The following PTPRN2 variants were observed in gnomAD, a reference collection of about 807,000 sequenced individuals.
PTPRN2 encodes the protein protein tyrosine phosphatase receptor type N2, also known as receptor-type tyrosine-protein phosphatase N2.
In PTPRN2, 74 loss-of-function variants were observed where a neutral mutation model predicts 118.8. The ratio of observed to expected loss-of-function variants is 0.62; its 90% confidence interval spans 0.52 to 0.76. The LOEUF is 0.76. Among genes scored for constraint, PTPRN2 ranks in the 30% least tolerant of loss-of-function variants. The pLI is 0.00. For missense variants in PTPRN2, 1,481 were observed against 1,394.4 expected (o/e 1.06, Z -0.99); for synonymous variants, 641 against 608.0 (o/e 1.05, Z -0.80).
intron 2 of PTPRN2, among the ~76,000 whole-genome samples, chr7:158,325,558 G>A (rs996522436): frequency 5.9e-5 from 9 of 152,218 alleles, no homozygotes; most frequent in Non-Finnish European, 8.8e-5. Flanking sequence ...TGGTATGCAC[G>A]TGAAAACTGA....
At chr7:157,851,030 C>T (rs910214532) in intron 12 of PTPRN2, among the ~76,000 whole-genome samples, 19 of 152,190 alleles carry the variant, frequency 1.2e-4, no homozygotes, top group East Asian at 1.9e-4. Context: ...CAAAAGGCGG[C>T]GAGGGAGGTA....
intron 11 of PTPRN2, among the ~76,000 whole-genome samples, chr7:157,902,717 CGAGA>C (rs1160011367): frequency 6.6e-6 from 1 of 152,170 alleles, no homozygotes; most frequent in African/African-American, 2.4e-5. Flanking sequence ...GATGCCGATG[CGAGA>C]GTGAGGCTGA....
intron 12 of PTPRN2, among the ~76,000 whole-genome samples, chr7:157,720,364 A>G (rs576216077): frequency 6.6e-6 from 1 of 151,616 alleles, no homozygotes; most frequent in Non-Finnish European, 1.5e-5. Context: ...GGGCCCTCAG[A>G]CCCCCAAACC....
At chr7:158,133,255 G>A (rs151212443) in intron 9 of PTPRN2, among the ~76,000 whole-genome samples, 6,224 of 152,260 alleles carry the variant, frequency 0.041, 172 homozygotes, top group Non-Finnish European at 0.061. Flanking sequence ...CCAGGGCCGC[G>A]TCCCATCCCG....
At chr7:157,825,872 T>C (rs1324916203) in intron 12 of PTPRN2, among the ~76,000 whole-genome samples, 3 of 152,184 alleles carry the variant, frequency 2.0e-5, no homozygotes, top group Admixed American at 2.0e-4. Flanking sequence ...AGACAAAAAG[T>C]AGCATCACTG....
At chr7:158,023,744 C>G (rs1807071689) in intron 11 of PTPRN2, among the ~76,000 whole-genome samples, 1 of 152,194 alleles carries the variant, frequency 6.6e-6, no homozygotes, top group African/African-American at 2.4e-5. Context: ...TCCTCCTTAC[C>G]CTTGCCCTCA....
intron 11 of PTPRN2, among the ~76,000 whole-genome samples, chr7:157,945,635 G>A (rs1363913625): frequency 1.3e-5 from 2 of 151,726 alleles, no homozygotes; most frequent in Non-Finnish European, 2.9e-5. Flanking sequence ...CTTGGACGAT[G>A]CCGCCTCCAA....
chr7:158,241,928 C>T (rs1795925944), intron 3 of PTPRN2, among the ~76,000 whole-genome samples: 1 of 152,094 alleles, frequency 6.6e-6, no homozygotes, highest in Non-Finnish European at 1.5e-5. Flanking sequence ...CATCTGAAAC[C>T]CCCTCAGGCC....
At chr7:157,696,135 G>A (rs758500737) in intron 12 of PTPRN2, among the ~76,000 whole-genome samples, 7 of 106,482 alleles carry the variant, frequency 6.6e-5, no homozygotes, top group East Asian at 3.1e-4. Context: ...ACTGGGTCTT[G>A]GCAGAGCCCT....
chr7:158,228,598 C>A (rs1317843719), intron 3 of PTPRN2, among the ~76,000 whole-genome samples: 1 of 151,896 alleles, frequency 6.6e-6, no homozygotes, highest in Non-Finnish European at 1.5e-5. Flanking sequence ...AATGGCCACA[C>A]ACTCAAATAC....
intron 12 of PTPRN2, among the ~76,000 whole-genome samples, chr7:157,889,711 A>G (rs1235972362): frequency 6.6e-6 from 1 of 152,234 alleles, no homozygotes; most frequent in African/African-American, 2.4e-5. Context: ...CCACCCACTC[A>G]GCATAAATTC....
chr7:157,701,145 A>G (rs1169338971), intron 12 of PTPRN2, among the ~76,000 whole-genome samples: 1 of 152,198 alleles, frequency 6.6e-6, no homozygotes, highest in East Asian at 1.9e-4. Context: ...CCAGTTTTAC[A>G]GATGAGAAAA....
chr7:157,807,122 C>T (rs1032850786), intron 12 of PTPRN2, among the ~76,000 whole-genome samples: 12 of 152,316 alleles, frequency 7.9e-5, no homozygotes, highest in South Asian at 2.1e-4. Context: ...GGGGCCCTTC[C>T]GATGTAGCTG....
At chr7:158,290,476 G>T (rs1264359084) in intron 3 of PTPRN2, among the ~76,000 whole-genome samples, 1 of 152,202 alleles carries the variant, frequency 6.6e-6, no homozygotes, top group Non-Finnish European at 1.5e-5. Flanking sequence ...GCAGGTGTGG[G>T]GCCTGGGCCT....
At chr7:158,168,676 A>T (rs566090671) in intron 5 of PTPRN2, among the ~76,000 whole-genome samples, 1 of 152,212 alleles carries the variant, frequency 6.6e-6, no homozygotes, top group Non-Finnish European at 1.5e-5. Context: ...TACCTATCAC[A>T]TCATTTACTA....
rs116404347 is a variant in PTPRN2 at position 158,146,854 on chromosome 7, G to A, written c.911-8339C>T. 4.7e-5 allele frequency among the ~76,000 whole-genome samples: 7 copies of A among 148,564 alleles called. 1 individual carries two copies. Among genetic ancestry groups the A allele is most frequent in the Admixed American group, 1.3e-4 (2 of 15,120 alleles). Reference sequence around the variant, plus strand: ...TGGAGGCCAGAGAGACTTGACCAATGGATAGAACAAGCAAACAGTTTACAG... The same window carrying A: ...TGGAGGCCAGAGAGACTTGACCAATAGATAGAACAAGCAAACAGTTTACAG... On this transcript the variant is annotated intron_variant, in intron 6 of 22. Coordinates refer to ENST00000389418, the MANE Select transcript of PTPRN2 (RefSeq NM_002847.5).
At chr7:158,109,361 G>C (rs1295293903) in intron 10 of PTPRN2, among the ~76,000 whole-genome samples, 1 of 149,246 alleles carries the variant, frequency 6.7e-6, no homozygotes, top group African/African-American at 2.5e-5. Flanking sequence ...GAGACAGTGA[G>C]TGAATGACAT....
At chr7:157,728,939 A>G (rs1156495618) in intron 12 of PTPRN2, among the ~76,000 whole-genome samples, 1 of 152,164 alleles carries the variant, frequency 6.6e-6, no homozygotes, top group African/African-American at 2.4e-5. Context: ...AAATGTCCCA[A>G]GGAGACCAGG....
chr7:158,528,943 G>C (rs1018147680), intron 1 of PTPRN2, among the ~76,000 whole-genome samples: 1 of 152,208 alleles, frequency 6.6e-6, no homozygotes, highest in Non-Finnish European at 1.5e-5. Context: ...GTGATGAGGG[G>C]TGGAAACACC....
Sources: gnomAD v4.1 joint callset for allele counts (sites outside exome capture counted in the v4.1 genomes callset) on GRCh38, gnomAD v4.1.1 for gene constraint, MANE v1.5 for transcripts, NCBI Gene and HGNC (gene_info 2026-07-23, HGNC 2026-07-21) for gene names.